TAF1B: variants seen among roughly 807,000 people sequenced by gnomAD.
TAF1B encodes the protein TATA box-binding protein-associated factor RNA polymerase I subunit B.
A neutral mutation model predicts 83.9 loss-of-function variants in TAF1B; 61 were observed. The ratio of observed to expected loss-of-function variants is 0.73; its 90% CI spans 0.59 to 0.90. The LOEUF (loss-of-function observed/expected upper bound fraction) is 0.90. TAF1B is among the 40% of genes least tolerant of loss of function. TAF1B has a pLI of 0.00. For synonymous variants in TAF1B, 221 were observed against 224.6 expected (o/e 0.98, Z 0.14); for missense variants, 625 against 677.0 (o/e 0.92, Z 0.85).
chr2:9,931,498 C>T (rs1008811145), intron 14 of TAF1B, among the ~76,000 whole-genome samples: 26 of 152,120 alleles, frequency 1.7e-4, no homozygotes, highest in East Asian at 1.9e-4. Context: ...TATTGTCCCC[C>T]GCTTTCTTCT....
At chr2:9,888,685 C>CT (rs1249330109) in intron 8 of TAF1B, among the ~76,000 whole-genome samples, 1 of 150,222 alleles carries the variant, frequency 6.7e-6, no homozygotes, top group African/African-American at 2.5e-5. Context: ...TATAATGTGC[C>CT]TTTTTTCCTT....
At chr2:9,878,988 T>G (rs1664408308) in intron 7 of TAF1B, among the ~76,000 whole-genome samples, 2 of 152,182 alleles carry the variant, frequency 1.3e-5, no homozygotes. Context: ...AGGGTGGCAT[T>G]TACTCTGCAC....
chr2:9,893,604 C>G (rs1227720134), intron 8 of TAF1B, among the ~76,000 whole-genome samples: 1 of 152,122 alleles, frequency 6.6e-6, no homozygotes, highest in Non-Finnish European at 1.5e-5. Flanking sequence ...GGGAAGATTG[C>G]TTGAGCCTTG....
intron 5 of TAF1B, among the ~76,000 whole-genome samples, chr2:9,866,047 C>T (rs1186500420): frequency 6.6e-5 from 10 of 151,668 alleles, no homozygotes; most frequent in African/African-American, 2.2e-4. Context: ...ATGTCTAAAA[C>T]ACCAAAAGCA....
intron 7 of TAF1B, among the ~76,000 whole-genome samples, chr2:9,876,764 A>G (rs1241090879): frequency 5.3e-5 from 8 of 152,170 alleles, no homozygotes; most frequent in Non-Finnish European, 2.9e-5. Context: ...AAGTCATTTA[A>G]TTTGTCTCTG....
At chr2:9,863,041 G>A (rs553181020) in intron 5 of TAF1B, among the ~76,000 whole-genome samples, 184 of 152,208 alleles carry the variant, frequency 1.2e-3, no homozygotes, top group Non-Finnish European at 2.1e-3. Flanking sequence ...ATCAACTAAC[G>A]AGCAAAATAA....
At chr2:9,883,141 T>C (rs1489183952) in intron 8 of TAF1B, among the ~76,000 whole-genome samples, 2 of 152,208 alleles carry the variant, frequency 1.3e-5, no homozygotes, top group East Asian at 1.9e-4. Context: ...GTTGTTGTTA[T>C]TTGCACACTA....
At position 9,845,940 on chromosome 2, in the gene TAF1B, G is replaced by A. The variant is rs1204176961; in HGVS notation, c.117+622G>A. On this transcript the variant is annotated intron_variant, in intron 2 of 14. Transcript: ENST00000263663. ...GGAGGTTGCAGTGAGACGAGATCAC[G>A]CCACTGTACTCCAGCCTGGGCAGCA... 1.9e-5 allele frequency: 7 copies of A among 372,974 alleles called. No individual in the cohort carries two copies. The East Asian group carries it at 4.0e-4, about 21-fold the overall frequency. 23.1% of individuals were successfully genotyped at this position (372,974 alleles called of 1,614,324 possible). A position where few individuals can be genotyped will look rare whatever the true frequency, so the allele number is the denominator to read the frequency against.
At chr2:9,923,224 C>A (rs1417702625) in intron 14 of TAF1B, among the ~76,000 whole-genome samples, 7 of 118,780 alleles carry the variant, frequency 5.9e-5, no homozygotes, top group Admixed American at 1.9e-4. Flanking sequence ...GGCGACAGAG[C>A]AAGACTCCAT....
At chr2:9,896,620 CAAAA>C (rs71391108) in intron 8 of TAF1B, among the ~76,000 whole-genome samples, 7 of 66,538 alleles carry the variant, frequency 1.1e-4, no homozygotes, top group Non-Finnish European at 1.5e-4. Flanking sequence ...ATCTAAAAAC[CAAAA>C]AAAAAAAAAA....
chr2:9,880,510 A>C (rs1664470995), intron 7 of TAF1B, among the ~76,000 whole-genome samples: 1 of 149,630 alleles, frequency 6.7e-6, no homozygotes, highest in Non-Finnish European at 1.5e-5. Context: ...ATGGTGAAAA[A>C]CTGTTAGAAC....
intron 5 of TAF1B, among the ~76,000 whole-genome samples, chr2:9,862,253 AC>A (rs1388413728): frequency 6.6e-6 from 1 of 152,192 alleles, no homozygotes; most frequent in Non-Finnish European, 1.5e-5. Flanking sequence ...TCCTTAAAGG[AC>A]CTGATGGAGC....
chr2:9,847,245 A>G (rs193120385), intron 2 of TAF1B, among the ~76,000 whole-genome samples: 71 of 152,338 alleles, frequency 4.7e-4, no homozygotes, highest in African/African-American at 1.7e-3. Flanking sequence ...CAACATCTTT[A>G]TAAAGACCAA....
intron 9 of TAF1B, 31 bp from the exon 10 acceptor site, chr2:9,910,705 A>T (rs1329205737): frequency 7.6e-6 from 12 of 1,585,558 alleles, no homozygotes; most frequent in Non-Finnish European, 1.0e-5. Context: ...TAGTTGGCAA[A>T]TAATTTACAT....
At chr2:9,923,838 G>C (rs941458824) in intron 14 of TAF1B, among the ~76,000 whole-genome samples, 1 of 152,214 alleles carries the variant, frequency 6.6e-6, no homozygotes, top group African/African-American at 2.4e-5. Flanking sequence ...AGGAGAAAGA[G>C]TTATAGTCCC....
intron 8 of TAF1B, among the ~76,000 whole-genome samples, chr2:9,884,372 T>C (rs1664606489): frequency 6.6e-6 from 1 of 152,228 alleles, no homozygotes; most frequent in South Asian, 2.1e-4. Flanking sequence ...GCAAGGGGCA[T>C]GTTTCAGACC....
intron 8 of TAF1B, among the ~76,000 whole-genome samples, chr2:9,890,076 T>A (rs1664820100): frequency 6.6e-6 from 1 of 152,216 alleles, no homozygotes. Flanking sequence ...TTGCAAATTT[T>A]AGCCACCTCA....
At chr2:9,932,962 C>T (rs1206483847) in intron 14 of TAF1B, among the ~76,000 whole-genome samples, 1 of 152,178 alleles carries the variant, frequency 6.6e-6, no homozygotes, top group South Asian at 2.1e-4. Flanking sequence ...GCTCCGTGGG[C>T]GAGGGACCAG....
chr2:9,866,712 T>A (rs1277505154), intron 5 of TAF1B, among the ~76,000 whole-genome samples: 1 of 152,070 alleles, frequency 6.6e-6, no homozygotes, highest in Non-Finnish European at 1.5e-5. Flanking sequence ...ATAGACTGGA[T>A]TAAGAAAATG....
Sources: gnomAD v4.1 joint callset for allele counts (sites outside exome capture counted in the v4.1 genomes callset) on GRCh38, gnomAD v4.1.1 for gene constraint, MANE v1.5 for transcripts, NCBI Gene and HGNC (gene_info 2026-07-23, HGNC 2026-07-21) for gene names.